GALNT13: variants seen among roughly 807,000 people sequenced by gnomAD.
GALNT13 encodes the protein polypeptide N-acetylgalactosaminyltransferase 13, also known as UDP-GalNAc:polypeptide N-acetylgalactosaminyltransferase 13.
GALNT13 carries 28 observed loss-of-function variants against 64.2 expected under a neutral mutation model. The ratio of observed to expected loss-of-function variants is 0.44; its 90% confidence interval spans 0.32 to 0.60. GALNT13 has a LOEUF of 0.60. Among genes scored for constraint, GALNT13 ranks in the 20% least tolerant of loss-of-function variants. The pLI, the probability that GALNT13 is intolerant of heterozygous loss-of-function variation, is 0.05. For synonymous variants in GALNT13, 214 were observed against 224.6 expected (o/e 0.95, Z 0.42); for missense variants, 577 against 669.8 (o/e 0.86, Z 1.53).
intron 4 of GALNT13, among the ~76,000 whole-genome samples, chr2:154,173,964 T>C (rs887025967): frequency 6.6e-6 from 1 of 152,142 alleles, no homozygotes; most frequent in African/African-American, 2.4e-5. Flanking sequence ...GTACAGCCAC[T>C]GTAGACGATA....
At chr2:154,308,658 C>T (rs1265763313) in intron 9 of GALNT13, among the ~76,000 whole-genome samples, 1 of 152,156 alleles carries the variant, frequency 6.6e-6, no homozygotes, top group Admixed American at 6.6e-5. Context: ...CATTTGTACC[C>T]ATGAGTTTTG....
chr2:154,126,003 C>T (rs947591875), intron 3 of GALNT13, among the ~76,000 whole-genome samples: 2 of 151,982 alleles, frequency 1.3e-5, no homozygotes, highest in African/African-American at 2.4e-5. Context: ...GGTGAATATC[C>T]ATTCAGGAGG....
intron 4 of GALNT13, among the ~76,000 whole-genome samples, chr2:154,179,633 G>A (rs1685846425): frequency 6.6e-6 from 1 of 151,998 alleles, no homozygotes; most frequent in African/African-American, 2.4e-5. Flanking sequence ...GAAATATAAT[G>A]TCTTGGGTTT....
intron 9 of GALNT13, among the ~76,000 whole-genome samples, chr2:154,374,438 G>A (rs531884245): frequency 5.3e-5 from 8 of 152,258 alleles, no homozygotes; most frequent in Admixed American, 1.3e-4. Context: ...AAGGAAAACC[G>A]ATGAGCTGTT....
At chr2:153,418,243 G>A in the GALNT13 span, among the ~76,000 whole-genome samples, 1 of 152,204 alleles carries the variant, frequency 6.6e-6, no homozygotes, top group Non-Finnish European at 1.5e-5. Flanking sequence ...AGGAATTCAA[G>A]TAGCCTCTAG....
intron 4 of GALNT13, among the ~76,000 whole-genome samples, chr2:154,195,197 T>G (rs1289853699): frequency 6.6e-6 from 1 of 152,138 alleles, no homozygotes; most frequent in Non-Finnish European, 1.5e-5. Context: ...ATGACTATTT[T>G]GGGTAAACAC....
the GALNT13 span, among the ~76,000 whole-genome samples, chr2:153,210,215 G>A: frequency 1.3e-5 from 2 of 152,052 alleles, no homozygotes; most frequent in African/African-American, 4.8e-5. Context: ...GTACAATGGT[G>A]AATAGAAGTA....
At chr2:153,898,606 T>C (rs924251110) in intron 1 of GALNT13, among the ~76,000 whole-genome samples, 18 of 152,074 alleles carry the variant, frequency 1.2e-4, no homozygotes, top group African/African-American at 3.9e-4. Flanking sequence ...TTCTTTCACT[T>C]GATGATGTAC....
chr2:154,406,830 G>C (rs1350623276), intron 10 of GALNT13, among the ~76,000 whole-genome samples: 1 of 152,160 alleles, frequency 6.6e-6, no homozygotes, highest in African/African-American at 2.4e-5. Flanking sequence ...ACCTCAGGTA[G>C]TGCCTGGTAT....
the GALNT13 span, among the ~76,000 whole-genome samples, chr2:153,535,262 T>C: frequency 6.6e-6 from 1 of 152,004 alleles, no homozygotes; most frequent in Non-Finnish European, 1.5e-5. Flanking sequence ...GAAAAACAGG[T>C]ATAAAAGGTC....
At chr2:153,680,936 G>T in the GALNT13 span, among the ~76,000 whole-genome samples, 1 of 151,910 alleles carries the variant, frequency 6.6e-6, no homozygotes, top group East Asian at 1.9e-4. Flanking sequence ...GTTTTTCAGG[G>T]ATAGCCTTAA....
intron 4 of GALNT13, among the ~76,000 whole-genome samples, chr2:154,162,602 G>A (rs1684797468): frequency 1.3e-5 from 2 of 152,056 alleles, no homozygotes; most frequent in Admixed American, 1.3e-4. Context: ...ACAGAGATAG[G>A]GTCTTCCTAA....
chr2:154,190,339 CTG>C (rs1480668196), intron 4 of GALNT13, among the ~76,000 whole-genome samples: 3 of 152,172 alleles, frequency 2.0e-5, no homozygotes, highest in Non-Finnish European at 2.9e-5. Context: ...AAATATGTCT[CTG>C]TGAACAGCTA....
chr2:153,768,367 C>A, the GALNT13 span, among the ~76,000 whole-genome samples: 1 of 152,100 alleles, frequency 6.6e-6, no homozygotes, highest in Non-Finnish European at 1.5e-5. Flanking sequence ...CCTTGATGAT[C>A]TGTTTAGTGA....
At chr2:153,725,727 G>C in the GALNT13 span, among the ~76,000 whole-genome samples, 17 of 151,488 alleles carry the variant, frequency 1.1e-4, no homozygotes, top group Non-Finnish European at 2.2e-4. Context: ...GCTACTGGCA[G>C]CTGGTTCCAG....
At chr2:153,966,424 G>A (rs1252526654) in intron 3 of GALNT13, among the ~76,000 whole-genome samples, 1 of 150,590 alleles carries the variant, frequency 6.6e-6, no homozygotes, top group Admixed American at 6.6e-5. Flanking sequence ...GGAGTGCAGT[G>A]GCGGGATCTC....
chr2:153,102,353 T>C, the GALNT13 span, among the ~76,000 whole-genome samples: 1 of 152,184 alleles, frequency 6.6e-6, no homozygotes, highest in African/African-American at 2.4e-5. Context: ...TTTTTTTAAA[T>C]CTCAGAAGTA....
chr2:153,090,006 A>G, the GALNT13 span, among the ~76,000 whole-genome samples: 1 of 151,356 alleles, frequency 6.6e-6, no homozygotes, highest in Non-Finnish European at 1.5e-5. Flanking sequence ...GTGTTATAGG[A>G]CCCTCTTTTT....
chr2:153,604,516 T>C, the GALNT13 span, among the ~76,000 whole-genome samples: 3 of 152,070 alleles, frequency 2.0e-5, no homozygotes, highest in Non-Finnish European at 4.4e-5. Flanking sequence ...AGGTTTCAAC[T>C]AAAACAAAAC....
Sources: allele counts gnomAD v4.1 joint callset (sites outside exome capture counted in the v4.1 genomes callset), GRCh38; gene constraint gnomAD v4.1.1; transcripts MANE v1.5; gene names NCBI Gene and HGNC (gene_info 2026-07-23, HGNC 2026-07-21).